The following NR5A2 variants were observed in gnomAD, a reference collection of about 807,000 sequenced individuals.
NR5A2 encodes CYP7A promoter-binding factor.
Under a neutral mutation model 62.7 loss-of-function variants are expected in NR5A2, and 26 were observed. The ratio of observed to expected loss-of-function variants is 0.41; its 90% CI spans 0.30 to 0.58. NR5A2 has a LOEUF of 0.58. NR5A2 is among the 20% of genes least tolerant of loss of function. NR5A2 has a pLI of 0.22. For missense variants in NR5A2, 541 were observed against 669.1 expected (o/e 0.81, Z 2.11); for synonymous variants, 246 against 241.7 (o/e 1.02, Z -0.16).
intron 7 of NR5A2, among the ~76,000 whole-genome samples, chr1:200,170,143 G>A (rs750418963): frequency 3.3e-5 from 5 of 151,980 alleles, no homozygotes; most frequent in Non-Finnish European, 7.4e-5. Flanking sequence ...GTATATTTCT[G>A]TTGTTAGAGA....
At chr1:200,164,293 C>T (rs1653791444) in intron 7 of NR5A2, among the ~76,000 whole-genome samples, 1 of 152,084 alleles carries the variant, frequency 6.6e-6, no homozygotes, top group Admixed American at 6.5e-5. Context: ...AGTGCAAGAA[C>T]GGCCTAGTGG....
At chr1:200,060,962 A>T (rs963886485) in intron 5 of NR5A2, among the ~76,000 whole-genome samples, 2 of 146,354 alleles carry the variant, frequency 1.4e-5, no homozygotes, top group Admixed American at 1.4e-4. Context: ...AAAAAAAAAA[A>T]TACAAAAATT....
At chr1:200,044,578 C>G (rs1662269814) in intron 3 of NR5A2, 1 of 152,028 alleles carries the variant, frequency 6.6e-6, no homozygotes, top group East Asian at 1.9e-4. Context: ...TCAATATTCA[C>G]TATTTTTCAA....
chr1:200,056,840 A>G (rs1662936377), intron 5 of NR5A2, among the ~76,000 whole-genome samples: 1 of 152,162 alleles, frequency 6.6e-6, no homozygotes, highest in Admixed American at 6.5e-5. Flanking sequence ...AGGCACACCC[A>G]AGAAATCCAT....
At chr1:200,054,746 G>T (rs1277543965) in intron 5 of NR5A2, among the ~76,000 whole-genome samples, 1 of 152,076 alleles carries the variant, frequency 6.6e-6, no homozygotes, top group Non-Finnish European at 1.5e-5. Context: ...GCCAATTATG[G>T]AAGCTATCTG....
intron 1 of NR5A2, among the ~76,000 whole-genome samples, chr1:200,030,191 GT>G (rs1661501239): frequency 1.3e-5 from 2 of 152,246 alleles, no homozygotes; most frequent in East Asian, 3.9e-4. Context: ...GTGTTGAGTG[GT>G]TCACAAAACC....
intron 5 of NR5A2, among the ~76,000 whole-genome samples, chr1:200,091,753 G>T (rs1664827692): frequency 1.3e-5 from 2 of 152,134 alleles, no homozygotes; most frequent in Admixed American, 1.3e-4. Context: ...GAAGTGCTGG[G>T]ATTACAGGCG....
chr1:200,039,901 C>T lies in NR5A2; in HGVS notation c.202+106C>T. 4 of 1,330,866 alleles carry T rather than the reference C, an allele frequency of 3.0e-6. No individual in the cohort carries two copies. In the South Asian group the frequency reaches 4.7e-5, roughly 16 times the overall value. The allele number at this position is 1,330,866 out of a possible 1,614,324, so 82.4% of individuals were successfully genotyped here. A position where few individuals can be genotyped will look rare whatever the true frequency, so the allele number is the denominator to read the frequency against. ...CCGCGCGGGCGCGGGAGTAGCCCCG[C>T]TGGGCGCTCGCAGCCGCGGGAGTCA... is the stretch of plus-strand genomic sequence containing the variant. On this transcript the variant is annotated intron_variant, in intron 2 of 7. Coordinates refer to ENST00000367362, the MANE Select transcript of NR5A2 (RefSeq NM_205860.3). This position sits in a 1 kb window ranked among gnomAD's most constrained non-coding sequence, Gnocchi z 5.1.
In NR5A2 at chr1:200,081,646, T is replaced by C. The variant is rs571312387; in HGVS notation, c.1111-29556T>C. Among the ~76,000 whole-genome samples, 9 of 152,312 alleles carry C rather than the reference T, an allele frequency of 5.9e-5. No homozygotes were observed. The South Asian group carries it at 1.7e-3, about 28-fold the overall frequency. On this transcript the variant is annotated intron_variant, in intron 5 of 7. Coordinates refer to ENST00000367362, the MANE Select transcript of NR5A2 (RefSeq NM_205860.3). ...GACTTCAAAGGCAATGGAATCTGCA[T>C]TGAAAACAGGATCTCAATACACATA...
chr1:200,122,394 G>A (rs370439770), intron 7 of NR5A2, among the ~76,000 whole-genome samples: 1 of 152,116 alleles, frequency 6.6e-6, no homozygotes, highest in African/African-American at 2.4e-5. Flanking sequence ...AAACTGTATA[G>A]CATCTTAGTG....
chr1:200,115,112 A>G (rs1304368340), intron 6 of NR5A2, among the ~76,000 whole-genome samples: 1 of 152,180 alleles, frequency 6.6e-6, no homozygotes, highest in Non-Finnish European at 1.5e-5. Context: ...ACATTGTTAC[A>G]GTAGATTTAA....
intron 5 of NR5A2, among the ~76,000 whole-genome samples, chr1:200,073,336 ATATTCCCCTTTATATATATATG>A (rs1663842645): frequency 3.5e-4 from 17 of 48,378 alleles, no homozygotes; most frequent in African/African-American, 1.1e-3. Flanking sequence ...ATATATATAT[ATATTCCCCTTTATATATATATG>A]CGCACACATA....
chr1:200,099,208 C>T (rs1665249507), intron 5 of NR5A2, among the ~76,000 whole-genome samples: 1 of 152,112 alleles, frequency 6.6e-6, no homozygotes, highest in South Asian at 2.1e-4. Context: ...TCTCCTTTAC[C>T]TCTGCCCTAA....
At chr1:200,044,215 G>A (rs938246388) in intron 3 of NR5A2, 2 of 174,574 alleles carry the variant, frequency 1.1e-5, no homozygotes, top group Non-Finnish European at 2.4e-5. Context: ...TATATTTAAA[G>A]CATCGTTGTT....
At chr1:200,117,071 C>T (rs544002833) in intron 6 of NR5A2, among the ~76,000 whole-genome samples, 1 of 152,108 alleles carries the variant, frequency 6.6e-6, no homozygotes, top group Non-Finnish European at 1.5e-5. Context: ...TCTACTTTTT[C>T]ATGATGAGTG....
chr1:200,126,864 C>T (rs529129614), intron 7 of NR5A2, among the ~76,000 whole-genome samples: 11 of 152,044 alleles, frequency 7.2e-5, no homozygotes, highest in African/African-American at 2.7e-4. Flanking sequence ...CTGAGTCCCT[C>T]CTCTTTGCAA....
At chr1:200,114,121 T>C (rs2102298494) in intron 6 of NR5A2, among the ~76,000 whole-genome samples, 1 of 151,958 alleles carries the variant, frequency 6.6e-6, no homozygotes, top group South Asian at 2.1e-4. Flanking sequence ...AGGCAGAGGC[T>C]ACAGTGAGCC....
At chr1:200,172,010 T>C (rs1654204817) in intron 7 of NR5A2, among the ~76,000 whole-genome samples, 1 of 152,248 alleles carries the variant, frequency 6.6e-6, no homozygotes, top group Non-Finnish European at 1.5e-5. Context: ...TCATTTTTCT[T>C]ACATTTTACA....
At chr1:200,131,698 C>T (rs1009485593) in intron 7 of NR5A2, among the ~76,000 whole-genome samples, 5 of 152,130 alleles carry the variant, frequency 3.3e-5, no homozygotes, top group Non-Finnish European at 7.4e-5. Context: ...AGCCCAGATG[C>T]TGCACTCTAG....
Sources: gnomAD v4.1 joint callset for allele counts (sites outside exome capture counted in the v4.1 genomes callset) on GRCh38, gnomAD v4.1.1 for gene constraint, Gnocchi (gnomAD v3.1) non-coding constraint, MANE v1.5 for transcripts, NCBI Gene and HGNC (gene_info 2026-07-23, HGNC 2026-07-21) for gene names.